RAB3GAP2: variants seen among roughly 807,000 people sequenced by gnomAD.
The protein encoded by RAB3GAP2 is RAB3 GTPase activating non-catalytic protein subunit 2.
A neutral mutation model predicts 185.3 loss-of-function variants in RAB3GAP2; 87 were observed. That is an observed-to-expected ratio of 0.47 (90% CI 0.39 to 0.56). The LOEUF (loss-of-function observed/expected upper bound fraction) is 0.56. Ranked by LOEUF, RAB3GAP2 falls within the 20% of genes least tolerant of loss-of-function variation. RAB3GAP2 has a pLI of 0.00. For synonymous variants in RAB3GAP2, 554 were observed against 576.1 expected (o/e 0.96, Z 0.55); for missense variants, 1,492 against 1,638.2 (o/e 0.91, Z 1.54).
Position 220,196,281 on chromosome 1 carries a change from T to C in RAB3GAP2, c.929A>G (p.Asn310Ser), listed in dbSNP as rs772115247. ...AGCATAGAAGAAGCCAGTAAATGGA[T>C]TGGACCCTACAGTGATATACTGAGA... ...AMSQYITVGS[N>S]PFTGFFYALE... The change falls in exon 10 of 35, where the codon AAT (asparagine) becomes AGT (serine). Residue 310 changes from asparagine to serine, a missense_variant. By Grantham distance (46) the Asn-to-Ser change is conservative (BLOSUM62 1). This residue lies in a region of RAB3GAP2 where 243 missense variants were observed against 314.8 expected (regional missense o/e 0.77). Coordinates refer to ENST00000358951, the MANE Select transcript of RAB3GAP2 (RefSeq NM_012414.4). 11 of 1,613,310 alleles carry C rather than the reference T, an allele frequency of 6.8e-6. No homozygotes were observed. Among genetic ancestry groups the C allele is most frequent in the African/African-American group, 2.7e-5 (2 of 74,876 alleles).
chr1:220,221,874 G>C (rs572918390), intron 2 of RAB3GAP2, among the ~76,000 whole-genome samples: 1 of 152,274 alleles, frequency 6.6e-6, no homozygotes, highest in Non-Finnish European at 1.5e-5. Flanking sequence ...GTGTTTTTTG[G>C]TTTTTCAGCT....
intron 21 of RAB3GAP2, among the ~76,000 whole-genome samples, chr1:220,173,813 G>C (rs1291089136): frequency 6.6e-6 from 1 of 152,144 alleles, no homozygotes; most frequent in Non-Finnish European, 1.5e-5. Context: ...GAGGTCAGGA[G>C]ATTGAGACCA....
At chr1:220,223,454 A>G (rs139749331) in intron 2 of RAB3GAP2, among the ~76,000 whole-genome samples, 71 of 152,350 alleles carry the variant, frequency 4.7e-4, no homozygotes, top group African/African-American at 1.7e-3. Flanking sequence ...CAAAAGAATT[A>G]TAAGTGAAAA....
chr1:220,185,386 A>T (rs958703578), intron 18 of RAB3GAP2, among the ~76,000 whole-genome samples: 2 of 152,154 alleles, frequency 1.3e-5, no homozygotes, highest in South Asian at 4.1e-4. Flanking sequence ...GCTATATCAG[A>T]ATAACCACTT....
intron 26 of RAB3GAP2, among the ~76,000 whole-genome samples, chr1:220,165,200 T>C (rs553755276): frequency 6.5e-4 from 97 of 148,432 alleles, no homozygotes; most frequent in African/African-American, 2.3e-3. Flanking sequence ...CAAGCCCTAT[T>C]TGAAGCACGA....
At chr1:220,242,517 T>TA (rs57906552) in intron 1 of RAB3GAP2, among the ~76,000 whole-genome samples, 69,783 of 151,784 alleles carry the variant, frequency 0.46, 18,135 homozygotes, top group African/African-American at 0.71. Context: ...GAAATGAAGG[T>TA]TTCCGTGCAA....
At chr1:220,165,645 G>A (rs1217278963) in intron 26 of RAB3GAP2, among the ~76,000 whole-genome samples, 1 of 151,964 alleles carries the variant, frequency 6.6e-6, no homozygotes, top group Non-Finnish European at 1.5e-5. Context: ...AATATTTAAT[G>A]GGAAAAACAA....
chr1:220,191,081 C>T lies in RAB3GAP2; in HGVS notation c.1474G>A (p.Gly492Arg), dbSNP rs753415547. The T allele has an allele frequency of 1.9e-6, 3 of 1,613,574 alleles. No individual in the cohort carries two copies. Among genetic ancestry groups the T allele is most frequent in the South Asian group, 2.2e-5 (2 of 91,068 alleles). The change falls in exon 14 of 35, where the codon GGG becomes AGG. Residue 492 changes from glycine (G) to arginine (R), a missense_variant. Physicochemically the swap from Gly to Arg is moderately radical, Grantham distance 125. Transcript: ENST00000358951. ...TTTGCAGCTTACCTGCAGTGCTTCCCCACATTGAAAGCTCCTACTCTAGGT... is the reference window on the plus strand; with the variant it reads ...TTTGCAGCTTACCTGCAGTGCTTCCTCACATTGAAAGCTCCTACTCTAGGT... ...QGPRVGAFNVGKHCRLLYPGY... is the reference protein window; with the variant it reads ...QGPRVGAFNVRKHCRLLYPGY...
chr1:220,155,105 A>C (rs1657835247), intron 31 of RAB3GAP2, among the ~76,000 whole-genome samples: 1 of 152,224 alleles, frequency 6.6e-6, no homozygotes, highest in Non-Finnish European at 1.5e-5. Context: ...AAAGAGTAAA[A>C]ACAGAATATC....
At chr1:220,202,487 A>C in intron 8 of RAB3GAP2, 113 bp from the exon 9 acceptor site, 1 of 1,094,954 alleles carries the variant, frequency 9.1e-7, no homozygotes, top group Non-Finnish European at 1.3e-6. Context: ...TAATAATGAC[A>C]CAAAGTAATG....
chr1:220,156,436 G>A (rs775390936), intron 31 of RAB3GAP2, among the ~76,000 whole-genome samples: 1 of 152,156 alleles, frequency 6.6e-6, no homozygotes, highest in Non-Finnish European at 1.5e-5. Context: ...ACTATCCACT[G>A]CAGCTAAACT....
At chr1:220,177,141 A>T (rs963771272) in intron 21 of RAB3GAP2, among the ~76,000 whole-genome samples, 1 of 152,234 alleles carries the variant, frequency 6.6e-6, no homozygotes, top group African/African-American at 2.4e-5. Context: ...GTCCCTGGCC[A>T]GTATTCCCAA....
chr1:220,181,717 A>G (rs765376236), intron 21 of RAB3GAP2, among the ~76,000 whole-genome samples: 4 of 152,078 alleles, frequency 2.6e-5, no homozygotes, highest in Non-Finnish European at 5.9e-5. Context: ...CAGATTCTAA[A>G]CTTATTTTAG....
chr1:220,208,540 C>T (rs1659013519), intron 7 of RAB3GAP2, among the ~76,000 whole-genome samples: 1 of 152,140 alleles, frequency 6.6e-6, no homozygotes, highest in Admixed American at 6.5e-5. Context: ...CTACCATCGC[C>T]TCAAACTCAA....
At chr1:220,201,912 G>A (rs1247749242) in intron 9 of RAB3GAP2, among the ~76,000 whole-genome samples, 1 of 151,998 alleles carries the variant, frequency 6.6e-6, no homozygotes, top group Non-Finnish European at 1.5e-5. Flanking sequence ...AGTGGCTCAC[G>A]CCTGTAATCT....
intron 2 of RAB3GAP2, among the ~76,000 whole-genome samples, chr1:220,216,897 T>TC (rs960379796): frequency 3.3e-5 from 5 of 152,160 alleles, no homozygotes; most frequent in African/African-American, 9.6e-5. Flanking sequence ...CTTTTTTTTT[T>TC]CAATAAAGAA....
chr1:220,151,145 A>C lies in RAB3GAP2; in HGVS notation c.*106T>G. 1.6e-6 allele frequency: 2 copies of C among 1,235,262 alleles called. No individual in the cohort carries two copies. Among genetic ancestry groups the C allele is most frequent in the Non-Finnish European group, 2.3e-6 (2 of 877,738 alleles). 76.5% of individuals were successfully genotyped at this position (1,235,262 alleles called of 1,614,324 possible). ...TTTTATTTATTTTACAAAAGGAAAA[A>C]AAAAGACATACTTTTCCCATAAAAT... is the stretch of plus-strand genomic sequence containing the variant. On this transcript the variant is annotated 3_prime_UTR_variant, in exon 35 of 35. Coordinates refer to ENST00000358951, the MANE Select transcript of RAB3GAP2 (RefSeq NM_012414.4).
At chr1:220,255,114 G>A (rs1056486808) in intron 1 of RAB3GAP2, among the ~76,000 whole-genome samples, 4 of 151,772 alleles carry the variant, frequency 2.6e-5, no homozygotes, top group African/African-American at 9.7e-5. Context: ...CATGATAGAT[G>A]CAATGCACTG....
chr1:220,208,195 C>T (rs1281144726), intron 7 of RAB3GAP2: 1 of 152,078 alleles, frequency 6.6e-6, no homozygotes, highest in Non-Finnish European at 1.5e-5. Flanking sequence ...CAGACATGAC[C>T]AAATTTAACG....
Sources: gnomAD v4.1 joint callset for allele counts (sites outside exome capture counted in the v4.1 genomes callset) on GRCh38, gnomAD v4.1.1 for gene constraint, gnomAD v4.1.1 regional missense constraint, MANE v1.5 for transcripts, NCBI Gene and HGNC (gene_info 2026-07-23, HGNC 2026-07-21) for gene names.